Variants in FSTL5 observed in about 807,000 individuals in gnomAD.
FSTL5 encodes follistatin-related protein 5.
FSTL5 carries 62 observed loss-of-function variants against 89.1 expected under a neutral mutation model. That is an observed-to-expected ratio of 0.70 (90% CI 0.57 to 0.86). The LOEUF (loss-of-function observed/expected upper bound fraction) is 0.86, where lower values mean the gene tolerates loss of function less well. Ranked by LOEUF, FSTL5 falls within the 40% of genes least tolerant of loss-of-function variation. The pLI is 0.00. For missense variants in FSTL5, 1,057 were observed against 1,001.6 expected (o/e 1.06, Z -0.75); for synonymous variants, 383 against 346.2 (o/e 1.11, Z -1.18).
At chr4:161,920,795 G>T in intron 3 of FSTL5, 143 bp from the exon 4 acceptor site, 1 of 711,726 alleles carries the variant, frequency 1.4e-6, no homozygotes, top group Non-Finnish European at 2.3e-6. Context: ...TGGTGGACAT[G>T]CTTATATAAA....
intron 6 of FSTL5, among the ~76,000 whole-genome samples, chr4:161,686,305 C>CATATATATATATATATATAT (rs60120837): frequency 3.8e-5 from 1 of 25,982 alleles, no homozygotes; most frequent in African/African-American, 1.3e-4. Context: ...TCTCCTTTGC[C>CATATATATATATATATATAT]ATATATATAT....
chr4:162,051,064 CT>C (rs1352635788), intron 2 of FSTL5, among the ~76,000 whole-genome samples: 2 of 151,466 alleles, frequency 1.3e-5, no homozygotes, highest in East Asian at 3.9e-4. Context: ...TCAAGAAACA[CT>C]TAAAACAAAA....
intron 3 of FSTL5, among the ~76,000 whole-genome samples, chr4:162,017,444 G>T (rs1736946222): frequency 6.6e-6 from 1 of 151,966 alleles, no homozygotes; most frequent in Non-Finnish European, 1.5e-5. Flanking sequence ...ATGTTATCTG[G>T]TACCTATGAG....
At chr4:162,159,135 A>T (rs1487475947) in intron 1 of FSTL5, among the ~76,000 whole-genome samples, 1 of 152,088 alleles carries the variant, frequency 6.6e-6, no homozygotes, top group Non-Finnish European at 1.5e-5. Context: ...TTTTAAAAAT[A>T]ATAATAACTC....
At chr4:161,632,835 C>G (rs1214141100) in intron 7 of FSTL5, among the ~76,000 whole-genome samples, 1 of 151,954 alleles carries the variant, frequency 6.6e-6, no homozygotes, top group Non-Finnish European at 1.5e-5. Flanking sequence ...AGAAAATAAA[C>G]AAGGGAATTT....
chr4:161,759,487 A>T lies in FSTL5; in HGVS notation c.651T>A (p.Thr217=), dbSNP rs1352808761. 2 of 1,589,026 alleles carry T rather than the reference A, an allele frequency of 1.3e-6. No homozygotes were observed. The highest frequency in any genetic ancestry group is 2.7e-5 in the African/African-American group (2 of 73,818). Residue 217 remains threonine (T), a synonymous_variant, in exon 6 of 16, where the codon ACT becomes ACA. Coordinates refer to ENST00000306100, the MANE Select transcript of FSTL5 (RefSeq NM_020116.5). ...EELGKDLFDC[T]LYVLLKYDDF... ...CATCATATTTCAATAGAACATACAA[A>T]GTACAATCAAAGAGATCCTTGCCAA...
chr4:161,930,402 A>T (rs1310889383), intron 3 of FSTL5, among the ~76,000 whole-genome samples: 1 of 151,660 alleles, frequency 6.6e-6, no homozygotes, highest in African/African-American at 2.4e-5. Context: ...TTGCACTGGA[A>T]ATAAAGAGAA....
At chr4:162,038,177 C>T (rs1036746748) in intron 2 of FSTL5, among the ~76,000 whole-genome samples, 2 of 151,772 alleles carry the variant, frequency 1.3e-5, no homozygotes, top group Non-Finnish European at 3.0e-5. Flanking sequence ...GTGAACTTGA[C>T]TTAAAATAAG....
At chr4:161,625,386 T>G (rs1458219899) in intron 7 of FSTL5, among the ~76,000 whole-genome samples, 3 of 152,140 alleles carry the variant, frequency 2.0e-5, no homozygotes, top group East Asian at 3.9e-4. Flanking sequence ...TTTGTTATTA[T>G]TATATTATGA....
intron 15 of FSTL5, among the ~76,000 whole-genome samples, chr4:161,391,242 T>C (rs935401803): frequency 6.6e-6 from 1 of 152,240 alleles, no homozygotes; most frequent in African/African-American, 2.4e-5. Context: ...ATGGGAATTT[T>C]ACTTGTGAAG....
intron 7 of FSTL5, among the ~76,000 whole-genome samples, chr4:161,593,196 T>C (rs1253420556): frequency 6.6e-6 from 1 of 152,172 alleles, no homozygotes; most frequent in Non-Finnish European, 1.5e-5. Context: ...AATACTTGTG[T>C]CAGCATCTTT....
intron 10 of FSTL5, among the ~76,000 whole-genome samples, chr4:161,529,340 G>A (rs1731333342): frequency 7.0e-6 from 1 of 142,804 alleles, no homozygotes; most frequent in Non-Finnish European, 1.5e-5. Flanking sequence ...GTAAAAAGAT[G>A]AAAAGACTTA....
intron 11 of FSTL5, among the ~76,000 whole-genome samples, chr4:161,503,590 C>A (rs187512421): frequency 1.3e-5 from 2 of 151,900 alleles, no homozygotes; most frequent in African/African-American, 4.8e-5. Context: ...ATTTGCCTTG[C>A]TAATTAGTGT....
intron 15 of FSTL5, among the ~76,000 whole-genome samples, chr4:161,452,145 C>G (rs1468186934): frequency 6.6e-6 from 1 of 152,138 alleles, no homozygotes; most frequent in Non-Finnish European, 1.5e-5. Flanking sequence ...TCAATCTCAG[C>G]AGCACATATT....
At chr4:161,895,133 C>T (rs1733113939) in intron 4 of FSTL5, among the ~76,000 whole-genome samples, 1 of 152,166 alleles carries the variant, frequency 6.6e-6, no homozygotes, top group African/African-American at 2.4e-5. Flanking sequence ...CCCAAAGTCT[C>T]ACAGCTAATA....
intron 6 of FSTL5, among the ~76,000 whole-genome samples, chr4:161,701,865 C>A (rs1477494359): frequency 1.3e-5 from 2 of 151,982 alleles, no homozygotes; most frequent in Non-Finnish European, 2.9e-5. Context: ...TGTTTTGATT[C>A]TTGATATAGT....
At chr4:161,438,994 G>T (rs1293786902) in intron 15 of FSTL5, among the ~76,000 whole-genome samples, 2 of 150,982 alleles carry the variant, frequency 1.3e-5, no homozygotes, top group Non-Finnish European at 2.9e-5. Flanking sequence ...CAACTGTAAG[G>T]GACAATCTTA....
rs1172129409 is a variant in FSTL5 at position 162,163,615 on chromosome 4, CTTATT to C, written c.-22_-18del. ...TTTATAACAATATTATTTTTCTTAC[CTTATT>C]TTAACAGTCACAAAAGTCCCCCAGA... On this transcript the variant is annotated splice_region_variant and 5_prime_UTR_variant, in exon 1 of 16. Transcript: ENST00000306100. 6.6e-6 allele frequency: 1 copy of C among 151,178 alleles called. No homozygotes were observed. Among genetic ancestry groups the C allele is most frequent in the Admixed American group, 6.6e-5 (1 of 15,182 alleles). 9.4% of individuals were successfully genotyped at this position (151,178 alleles called of 1,614,324 possible).
chr4:161,454,920 C>A, intron 15 of FSTL5, 84 bp downstream of exon 15: 1 of 1,302,124 alleles, frequency 7.7e-7, no homozygotes, highest in Non-Finnish European at 1.1e-6. Context: ...TGTTTCATAT[C>A]TAAGTTTCTT....
Sources: gnomAD v4.1 joint callset for allele counts (sites outside exome capture counted in the v4.1 genomes callset) on GRCh38, gnomAD v4.1.1 for gene constraint, MANE v1.5 for transcripts, NCBI Gene and HGNC (gene_info 2026-07-23, HGNC 2026-07-21) for gene names.